The following GRIN2A variants were observed in gnomAD, a reference collection of about 807,000 sequenced individuals.
GRIN2A encodes the protein glutamate ionotropic receptor NMDA type subunit 2A.
In GRIN2A, 22 loss-of-function variants were observed where a neutral mutation model predicts 113.4. The observed-to-expected ratio is 0.19, with a 90% CI of 0.14 to 0.28. The LOEUF (loss-of-function observed/expected upper bound fraction) is 0.28, where lower values mean the gene tolerates loss of function less well. Among genes scored for constraint, GRIN2A ranks in the 10% least tolerant of loss-of-function variants. The pLI, the probability that GRIN2A is intolerant of heterozygous loss-of-function variation, is 1.00. For synonymous variants in GRIN2A, 827 were observed against 738.4 expected (o/e 1.12, Z -1.94); for missense variants, 1,502 against 1,887.0 (o/e 0.80, Z 3.78).
rs567244611 is a variant in GRIN2A at position 9,755,686 on chromosome 16, G to C, written c.*7463C>G. The C allele has an allele frequency of 2.4e-5, 5 of 204,454 alleles. No homozygotes were observed. The highest frequency in any genetic ancestry group is 3.8e-4 in the South Asian group (2 of 5,258). 12.7% of individuals were successfully genotyped at this position (204,454 alleles called of 1,614,324 possible). A position where few individuals can be genotyped will look rare whatever the true frequency, so the allele number is the denominator to read the frequency against. The stretch of plus-strand genomic sequence containing the variant: ...GAGAGGGGGGAATGCAGGAAAGGCA[G>C]TGTGTGCTCAGGGGCATGCCTGCAG... On this transcript the variant is annotated 3_prime_UTR_variant, in exon 13 of 13. Transcript: ENST00000330684.
At chr16:10,104,543 T>C (rs2048458236) in intron 2 of GRIN2A, among the ~76,000 whole-genome samples, 1 of 152,244 alleles carries the variant, frequency 6.6e-6, no homozygotes, top group African/African-American at 2.4e-5. Context: ...AAAAGCACTC[T>C]TGCATATGGA....
intron 3 of GRIN2A, among the ~76,000 whole-genome samples, chr16:9,935,385 G>T (rs930094280): frequency 3.3e-5 from 5 of 152,152 alleles, no homozygotes; most frequent in Non-Finnish European, 5.9e-5. Context: ...TGGCAGTGTA[G>T]AAACAGGATT....
At chr16:10,023,016 A>G (rs1227262350) in intron 2 of GRIN2A, among the ~76,000 whole-genome samples, 8 of 152,196 alleles carry the variant, frequency 5.3e-5, no homozygotes, top group Non-Finnish European at 1.5e-5. Context: ...AATCCTACTA[A>G]TCAGGGGGAT....
rs187554386 is a variant in GRIN2A at position 9,866,870 on chromosome 16, C to G, written c.1123-16909G>C. ...CTCTAAATTTAGAACCTCCAGTCCACTGTAGCCACCCATTCCCATGGGGGA... is the reference window on the plus strand; with the variant it reads ...CTCTAAATTTAGAACCTCCAGTCCAGTGTAGCCACCCATTCCCATGGGGGA... On this transcript the variant is annotated intron_variant, in intron 4 of 12. Coordinates refer to ENST00000330684, the MANE Select transcript of GRIN2A (RefSeq NM_001134407.3). 4.8e-3 allele frequency among the ~76,000 whole-genome samples: 731 copies of G among 152,264 alleles called. 7 individuals are homozygous for G. The highest frequency in any genetic ancestry group is 0.017 in the African/African-American group (706 of 41,552).
intron 3 of GRIN2A, among the ~76,000 whole-genome samples, chr16:9,925,910 A>G (rs1335787983): frequency 6.6e-6 from 1 of 152,218 alleles, no homozygotes; most frequent in Non-Finnish European, 1.5e-5. Context: ...ACTAAGAAAA[A>G]GAAAGCAGAT....
In GRIN2A at chr16:9,764,437, T is replaced by A. The variant is rs1900779262; in HGVS notation, c.3107A>T (p.Glu1036Val). 6.2e-7 allele frequency: 1 copy of A among 1,613,958 alleles called. No homozygotes were observed. Residue 1036 changes from glutamate to valine, a missense_variant, in exon 13 of 13, where the codon GAG becomes GTG. Around this residue, in one of 7 missense-constraint regions of GRIN2A, gnomAD observed 832 missense variants for 789.7 expected, o/e 1.05. Transcript: ENST00000330684. ...GTGGGTCCTATTCTCTGCTGTTGCC[T>A]CATCCCTCTGGGAGACTGGATTCTG... ...LSQNPVSQRD[E>V]ATAENRTHSL... is the part of the protein sequence containing the mutation.
intron 2 of GRIN2A, among the ~76,000 whole-genome samples, chr16:10,072,560 G>A (rs922024182): frequency 1.1e-4 from 16 of 152,142 alleles, no homozygotes; most frequent in Admixed American, 3.9e-4. Flanking sequence ...GGTGATTATA[G>A]TATGCAGTCA....
intron 3 of GRIN2A, among the ~76,000 whole-genome samples, chr16:9,912,438 T>C (rs2044161948): frequency 7.1e-6 from 1 of 140,894 alleles, no homozygotes; most frequent in South Asian, 2.2e-4. Flanking sequence ...GAAATGCATA[T>C]AAAAGCTTTA....
chr16:9,982,076 C>T lies in GRIN2A; in HGVS notation c.415-43525G>A, dbSNP rs117531616. 1.7e-3 allele frequency among the ~76,000 whole-genome samples: 255 copies of T among 152,234 alleles called. 5 individuals are homozygous for T. In the East Asian group the frequency reaches 0.025, roughly 15 times the overall value. On this transcript the variant is annotated intron_variant, in intron 2 of 12. Coordinates refer to ENST00000330684, the MANE Select transcript of GRIN2A (RefSeq NM_001134407.3). Reference sequence around the variant, plus strand: ...GTGCTGGGATTACAGGTGTGAGCCCCGCAGCCAGTGTAATTAATATGACTC... The same window carrying T: ...GTGCTGGGATTACAGGTGTGAGCCCTGCAGCCAGTGTAATTAATATGACTC...
chr16:10,064,209 CTCT>C (rs1320282048), intron 2 of GRIN2A, among the ~76,000 whole-genome samples: 2 of 152,124 alleles, frequency 1.3e-5, no homozygotes, highest in African/African-American at 4.8e-5. Context: ...CAGGGGCTGA[CTCT>C]TCTATTTTTC....
intron 2 of GRIN2A, among the ~76,000 whole-genome samples, chr16:10,120,528 G>C (rs1212598991): frequency 6.6e-6 from 1 of 151,950 alleles, no homozygotes; most frequent in African/African-American, 2.4e-5. Flanking sequence ...AGTTTTCTGG[G>C]GAGGCCCTAG....
intron 2 of GRIN2A, among the ~76,000 whole-genome samples, chr16:10,150,573 CA>C (rs530199524): frequency 6.6e-6 from 1 of 152,258 alleles, no homozygotes; most frequent in East Asian, 1.9e-4. Flanking sequence ...CACTCTCCTG[CA>C]GCCATCCTAG....
chr16:9,813,937 G>C (rs1247478808), intron 10 of GRIN2A, among the ~76,000 whole-genome samples: 1 of 152,150 alleles, frequency 6.6e-6, no homozygotes, highest in Non-Finnish European at 1.5e-5. Flanking sequence ...TGAACCATTT[G>C]TGTCTGATTC....
chr16:9,936,844 T>G (rs2044724309), intron 3 of GRIN2A, among the ~76,000 whole-genome samples: 1 of 152,126 alleles, frequency 6.6e-6, no homozygotes, highest in Non-Finnish European at 1.5e-5. Context: ...AAGCGTAACA[T>G]GTTGGTGAGG....
At chr16:9,794,952 G>A (rs937969997) in intron 11 of GRIN2A, among the ~76,000 whole-genome samples, 2 of 152,100 alleles carry the variant, frequency 1.3e-5, no homozygotes, top group Non-Finnish European at 2.9e-5. Flanking sequence ...GGAGGAGGGT[G>A]GTGGTGATGG....
At chr16:9,794,575 C>T (rs966863493) in intron 11 of GRIN2A, 1 of 152,252 alleles carries the variant, frequency 6.6e-6, no homozygotes, top group African/African-American at 2.4e-5. Context: ...GGAGACACCC[C>T]CTGGACCAAT....
At chr16:9,860,461 A>AAAAG (rs1555497589) in intron 4 of GRIN2A, among the ~76,000 whole-genome samples, 1 of 99,626 alleles carries the variant, frequency 1.0e-5, no homozygotes, top group African/African-American at 2.7e-5. Context: ...AAAAAAAAAA[A>AAAAG]AAAAAAAAAG....
At chr16:10,115,056 G>T (rs8055448) in intron 2 of GRIN2A, among the ~76,000 whole-genome samples, 30,919 of 152,112 alleles carry the variant, frequency 0.2, 3,711 homozygotes, top group East Asian at 0.39. Flanking sequence ...AATTTTTTGA[G>T]TTTGCAGCCC....
chr16:9,858,931 T>G lies in GRIN2A; in HGVS notation c.1123-8970A>C, dbSNP rs143164322. On this transcript the variant is annotated intron_variant, in intron 4 of 12. Transcript: ENST00000330684. ...TGTTTTATCTTATTTGATCTATTTA[T>G]GAAATGCTTACAAGAGACAATTAAA... Among the ~76,000 whole-genome samples, 21 of 152,340 alleles carry G rather than the reference T, an allele frequency of 1.4e-4. No homozygotes were observed. In the East Asian group the frequency reaches 4.0e-3, roughly 29 times the overall value.
Sources: gnomAD v4.1 joint callset for allele counts (sites outside exome capture counted in the v4.1 genomes callset) on GRCh38, gnomAD v4.1.1 for gene constraint, gnomAD v4.1.1 regional missense constraint, MANE v1.5 for transcripts, NCBI Gene and HGNC (gene_info 2026-07-23, HGNC 2026-07-21) for gene names.